The following SRGAP3 variants were observed in gnomAD, a reference collection of about 807,000 sequenced individuals.
The protein encoded by SRGAP3 is SLIT-ROBO Rho GTPase-activating protein 3.
SRGAP3 carries 39 observed loss-of-function variants against 121.1 expected under a neutral mutation model. The ratio of observed to expected loss-of-function variants is 0.32; its 90% CI spans 0.25 to 0.42. The LOEUF is 0.42. Ranked by LOEUF, SRGAP3 falls within the 10% of genes least tolerant of loss-of-function variation. The pLI is 1.00. For missense variants in SRGAP3, 1,213 were observed against 1,470.6 expected (o/e 0.82, Z 2.86); for synonymous variants, 601 against 570.0 (o/e 1.05, Z -0.77).
intron 2 of SRGAP3, among the ~76,000 whole-genome samples, chr3:9,328,472 T>C (rs955935651): frequency 6.6e-6 from 1 of 152,358 alleles, no homozygotes; most frequent in East Asian, 1.9e-4. Flanking sequence ...CCACTTTTAA[T>C]TAAGCTGACT....
intron 1 of SRGAP3, among the ~76,000 whole-genome samples, chr3:9,359,998 T>C (rs1005149174): frequency 1.2e-4 from 19 of 152,204 alleles, no homozygotes; most frequent in African/African-American, 4.1e-4. Context: ...GGTGCAATCA[T>C]AGTTCACTAC....
intron 2 of SRGAP3, among the ~76,000 whole-genome samples, chr3:9,116,529 G>T (rs976852466): frequency 1.3e-5 from 2 of 152,208 alleles, no homozygotes; most frequent in Non-Finnish European, 2.9e-5. Context: ...CATGGGAGGC[G>T]AGAGGAGCAG....
At chr3:9,028,209 C>G (rs557761121) in intron 12 of SRGAP3, 2 of 1,582,654 alleles carry the variant, frequency 1.3e-6, no homozygotes, top group African/African-American at 1.3e-5. Context: ...TTAGAGTAAG[C>G]AGATCCTTCA....
intron 1 of SRGAP3, among the ~76,000 whole-genome samples, chr3:9,195,559 C>T (rs1305642390): frequency 6.6e-6 from 1 of 152,184 alleles, no homozygotes; most frequent in Non-Finnish European, 1.5e-5. Context: ...TCAGCTCCTC[C>T]CCCTCCCCAT....
At chr3:9,202,709 G>A (rs1017911703) in intron 1 of SRGAP3, among the ~76,000 whole-genome samples, 2 of 152,222 alleles carry the variant, frequency 1.3e-5, no homozygotes, top group Admixed American at 6.5e-5. Flanking sequence ...TGCTGGGCCT[G>A]AATCTCCCGC....
At chr3:9,082,962 T>C (rs1947309212) in intron 3 of SRGAP3, among the ~76,000 whole-genome samples, 1 of 152,192 alleles carries the variant, frequency 6.6e-6, no homozygotes, top group Non-Finnish European at 1.5e-5. Context: ...GAGACCTATT[T>C]ACACCTCCCT....
Position 8,982,681 on chromosome 3 carries a change from T to C in SRGAP3, c.*2838A>G. 1 of 134,736 alleles carries C rather than the reference T, an allele frequency of 7.4e-6. No homozygotes were observed. The highest frequency in any genetic ancestry group is 1.5e-5 in the Non-Finnish European group (1 of 67,802). The allele number at this position is 134,736 out of a possible 1,614,324, so 8.3% of individuals were successfully genotyped here. ...CTGTGGAGGGTGAGTGAGACATGCA[T>C]AGTGCCAGATGAGGAAGTGGGAACA... On this transcript the variant is annotated 3_prime_UTR_variant, in exon 22 of 22. Coordinates refer to ENST00000383836, the MANE Select transcript of SRGAP3 (RefSeq NM_014850.4).
At chr3:9,178,570 T>C (rs923437161) in intron 1 of SRGAP3, among the ~76,000 whole-genome samples, 2 of 152,142 alleles carry the variant, frequency 1.3e-5, no homozygotes, top group South Asian at 4.1e-4. Flanking sequence ...CCAGTCACAG[T>C]TTAAAAAACT....
chr3:9,076,497 G>A (rs115256201), intron 4 of SRGAP3, among the ~76,000 whole-genome samples: 1,990 of 152,250 alleles, frequency 0.013, 23 homozygotes, highest in Non-Finnish European at 0.021. Flanking sequence ...CTCGTAAGTG[G>A]TGCAGCAGGA....
Position 8,998,985 on chromosome 3 carries a change from T to C in SRGAP3, c.2228-4462A>G, listed in dbSNP as rs563346368. Among the ~76,000 whole-genome samples the C allele has an allele frequency of 2.0e-5, 3 of 152,362 alleles. No individual in the cohort carries two copies. The East Asian group carries it at 5.8e-4, about 29-fold the overall frequency. On this transcript the variant is annotated intron_variant, in intron 18 of 21. Coordinates refer to ENST00000383836, the MANE Select transcript of SRGAP3 (RefSeq NM_014850.4). ...GAGGCTTCTAGATGTTTTTGAATTG[T>C]GCTAAGCTTATTCCTGCCACAAGGT... is the stretch of plus-strand genomic sequence containing the variant.
Position 9,176,647 on chromosome 3 carries a change from G to A in SRGAP3, c.68-51730C>T, listed in dbSNP as rs113219368. On this transcript the variant is annotated intron_variant, in intron 1 of 21. Transcript: ENST00000383836. The stretch of plus-strand genomic sequence containing the variant: ...GCATGGTGGCACCTGCTTCTGGGGA[G>A]GCCTCAGGAGGCTTCCAATCATGGT... Among the ~76,000 whole-genome samples, 358 of 152,324 alleles carry A rather than the reference G, an allele frequency of 2.4e-3. 3 individuals are homozygous for A. The highest frequency in any genetic ancestry group is 8.1e-3 in the African/African-American group (338 of 41,574).
chr3:9,125,924 C>T (rs1285467081), intron 1 of SRGAP3, among the ~76,000 whole-genome samples: 2 of 152,204 alleles, frequency 1.3e-5, no homozygotes, highest in Non-Finnish European at 2.9e-5. Context: ...TTTCTCAGGA[C>T]TTTACCCCAA....
chr3:9,322,992 A>C (rs1955462058), intron 3 of SRGAP3, among the ~76,000 whole-genome samples: 1 of 151,960 alleles, frequency 6.6e-6, no homozygotes, highest in African/African-American at 2.4e-5. Context: ...CAGCAACAAA[A>C]AAGACCTAAC....
chr3:9,093,079 G>GT (rs1054490692), intron 3 of SRGAP3, among the ~76,000 whole-genome samples: 6 of 152,150 alleles, frequency 3.9e-5, no homozygotes, highest in Admixed American at 3.9e-4. Context: ...TGAAAAGCCA[G>GT]TATCTATGAA....
chr3:9,016,124 T>C (rs959707844), intron 14 of SRGAP3: 4 of 262,546 alleles, frequency 1.5e-5, no homozygotes, highest in Admixed American at 5.0e-5. Flanking sequence ...TATTCTTGTA[T>C]GTAACCACAA....
At chr3:9,063,709 TCAG>T (rs1946288157) in intron 5 of SRGAP3, among the ~76,000 whole-genome samples, 1 of 152,178 alleles carries the variant, frequency 6.6e-6, no homozygotes, top group African/African-American at 2.4e-5. Flanking sequence ...GGGCAATTGA[TCAG>T]AGTTGACATG....
chr3:9,147,235 C>A (rs1003770642), intron 1 of SRGAP3, among the ~76,000 whole-genome samples: 1 of 152,140 alleles, frequency 6.6e-6, no homozygotes, highest in African/African-American at 2.4e-5. Context: ...GAAGTCAGAG[C>A]CTGCCAGGCC....
At chr3:9,018,361 A>G (rs1206140637) in intron 14 of SRGAP3, among the ~76,000 whole-genome samples, 1 of 152,174 alleles carries the variant, frequency 6.6e-6, no homozygotes, top group Non-Finnish European at 1.5e-5. Flanking sequence ...TCTCCTCTAG[A>G]TAAATACCCA....
intron 1 of SRGAP3, among the ~76,000 whole-genome samples, chr3:9,234,950 T>C (rs1953353557): frequency 6.6e-6 from 1 of 152,140 alleles, no homozygotes; most frequent in Non-Finnish European, 1.5e-5. Context: ...GAAATAAGAC[T>C]GTCAGGGATG....
Sources: gnomAD v4.1 joint callset for allele counts (sites outside exome capture counted in the v4.1 genomes callset) on GRCh38, gnomAD v4.1.1 for gene constraint, MANE v1.5 for transcripts, NCBI Gene and HGNC (gene_info 2026-07-23, HGNC 2026-07-21) for gene names.